LRGUK: variants seen among roughly 807,000 people sequenced by gnomAD.
The protein encoded by LRGUK is leucine rich repeats and guanylate kinase domain containing, also known as leucine-rich repeat and guanylate kinase domain-containing protein.
Under a neutral mutation model 76.0 loss-of-function variants are expected in LRGUK, and 65 were observed. That is an observed-to-expected ratio of 0.85 (90% CI 0.70 to 1.05). LRGUK has a LOEUF of 1.05. Among genes scored for constraint, LRGUK ranks in the 50% least tolerant of loss-of-function variants. The probability of loss-of-function intolerance (pLI) is 0.00; values close to 1 mark genes in which losing one functional copy is unlikely to be tolerated. For missense variants in LRGUK, 758 were observed against 732.8 expected, an observed-to-expected ratio of 1.03 and a Z score of -0.40; for synonymous variants, 268 against 265.6, an observed-to-expected ratio of 1.01 and a Z score of -0.09.
At chr7:134,237,200 G>T (rs1802039036) in intron 16 of LRGUK, among the ~76,000 whole-genome samples, 1 of 151,886 alleles carries the variant, frequency 6.6e-6, no homozygotes, top group African/African-American at 2.4e-5. Flanking sequence ...GACTACAGGT[G>T]CCTGCCACCA....
intron 16 of LRGUK, among the ~76,000 whole-genome samples, chr7:134,239,436 G>A (rs1178019179): frequency 4.6e-5 from 7 of 152,248 alleles, no homozygotes; most frequent in Non-Finnish European, 7.3e-5. Flanking sequence ...CCACACCCAT[G>A]CAGCCTCGCT....
intron 12 of LRGUK, among the ~76,000 whole-genome samples, chr7:134,195,697 A>G (rs374190569): frequency 2.0e-5 from 3 of 152,302 alleles, no homozygotes; most frequent in Admixed American, 6.5e-5. Flanking sequence ...AATAAACAAG[A>G]TAAAGTGTCT....
exon 5 of LRGUK, chr7:134,148,319 G>A (rs778807440): frequency 3.7e-5 from 58 of 1,549,444 alleles, no homozygotes; most frequent in Non-Finnish European, 4.8e-5. Context: ...AATTTTGGAT[G>A]GTATCCTTTG....
chr7:134,269,693 A>G, the LRGUK span, among the ~76,000 whole-genome samples: 1 of 152,160 alleles, frequency 6.6e-6, no homozygotes. Context: ...GGCTCTGGAT[A>G]TATTCCATCT....
At chr7:134,143,250 G>A (rs929641262) in intron 4 of LRGUK, 88 bp downstream of exon 4, 4 of 775,176 alleles carry the variant, frequency 5.2e-6, no homozygotes, top group African/African-American at 1.7e-5. Context: ...AGAGAATTCA[G>A]AGAGAATAAG....
At chr7:134,231,468 CTTCT>C (rs142549854) in intron 16 of LRGUK, among the ~76,000 whole-genome samples, 67 of 150,598 alleles carry the variant, frequency 4.4e-4, no homozygotes, top group African/African-American at 1.4e-3. Context: ...TTCTTCCTTC[CTTCT>C]TTGTTTCCTC....
chr7:134,235,790 G>C (rs571324005), intron 16 of LRGUK, among the ~76,000 whole-genome samples: 6 of 152,142 alleles, frequency 3.9e-5, no homozygotes, highest in Admixed American at 2.0e-4. Flanking sequence ...CAAGTCACAT[G>C]TCTTCTCTGA....
intron 7 of LRGUK, among the ~76,000 whole-genome samples, chr7:134,169,690 AG>A (rs1799165025): frequency 6.6e-6 from 1 of 152,152 alleles, no homozygotes; most frequent in South Asian, 2.1e-4. Context: ...TCTAGTTCCC[AG>A]GTAGGAAACA....
At chr7:134,237,424 AT>A (rs761606924) in intron 16 of LRGUK, among the ~76,000 whole-genome samples, 10 of 152,118 alleles carry the variant, frequency 6.6e-5, no homozygotes, top group Non-Finnish European at 1.0e-4. Context: ...TTAAATTATC[AT>A]TTATGGTCAT....
At chr7:134,205,866 T>C (rs1444794563) in intron 15 of LRGUK, among the ~76,000 whole-genome samples, 3 of 152,252 alleles carry the variant, frequency 2.0e-5, no homozygotes, top group African/African-American at 7.2e-5. Context: ...AGAAATCTTA[T>C]GACCAACAGC....
intron 16 of LRGUK, among the ~76,000 whole-genome samples, chr7:134,242,455 G>A (rs1802186209): frequency 6.6e-6 from 1 of 152,184 alleles, no homozygotes; most frequent in South Asian, 2.1e-4. Flanking sequence ...AAATCTAGAA[G>A]AAATGGATAA....
intron 16 of LRGUK, among the ~76,000 whole-genome samples, chr7:134,242,268 GT>G (rs555608500): frequency 2.3e-4 from 35 of 152,242 alleles, no homozygotes; most frequent in African/African-American, 8.2e-4. Flanking sequence ...CCAGGAGCTG[GT>G]TTTTTGAAAG....
chr7:134,244,486 A>G (rs1802243000), intron 16 of LRGUK, among the ~76,000 whole-genome samples: 1 of 152,212 alleles, frequency 6.6e-6, no homozygotes, highest in Non-Finnish European at 1.5e-5. Flanking sequence ...GAGAAATGCA[A>G]ATCAAAACCA....
chr7:134,263,617 TTC>T (rs1462932284), intron 19 of LRGUK, among the ~76,000 whole-genome samples: 2 of 148,772 alleles, frequency 1.3e-5, no homozygotes, highest in Non-Finnish European at 3.0e-5. Context: ...TGAATGTCAT[TTC>T]TTTCTTTTTT....
chr7:134,212,974 A>G (rs1246223537), downstream of LRGUK, among the ~76,000 whole-genome samples: 1 of 152,200 alleles, frequency 6.6e-6, no homozygotes, highest in African/African-American at 2.4e-5. Flanking sequence ...GGATACAAAC[A>G]TTGGATCAGG....
At position 134,218,267 on chromosome 7, in the gene LRGUK, G is replaced by A. The variant is rs1801489194; in HGVS notation, c.1844-3512G>A. Among the ~76,000 whole-genome samples the A allele has an allele frequency of 2.0e-5, 3 of 152,292 alleles. No individual in the cohort carries two copies. The South Asian group carries it at 6.2e-4, about 32-fold the overall frequency. ...CCCCATTTGAGTGGGGAAAAAATAAGTGATTCTGAAGTTGTCTGTGCATCT... is the reference window on the plus strand; with the variant it reads ...CCCCATTTGAGTGGGGAAAAAATAAATGATTCTGAAGTTGTCTGTGCATCT... On this transcript the variant is annotated intron_variant, in intron 15 of 19. Transcript: ENST00000285928.
At chr7:134,187,420 C>A (rs1192048641) in intron 11 of LRGUK, among the ~76,000 whole-genome samples, 1 of 152,096 alleles carries the variant, frequency 6.6e-6, no homozygotes, top group Non-Finnish European at 1.5e-5. Flanking sequence ...TTTTTCCTGG[C>A]ATTTTACTTC....
intron 15 of LRGUK, among the ~76,000 whole-genome samples, chr7:134,218,312 TTAAAGTCTGTTTC>T (rs1801490316): frequency 6.6e-6 from 1 of 152,200 alleles, no homozygotes; most frequent in South Asian, 2.1e-4. Flanking sequence ...TATTTAAAAA[TTAAAGTCTGTTTC>T]TAAGTCATCC....
At chr7:134,222,721 G>C (rs1198421569) in intron 16 of LRGUK, among the ~76,000 whole-genome samples, 1 of 151,966 alleles carries the variant, frequency 6.6e-6, no homozygotes, top group African/African-American at 2.4e-5. Context: ...CGATTCTCCT[G>C]CCTCAGCCTC....
Sources: allele counts gnomAD v4.1 joint callset (sites outside exome capture counted in the v4.1 genomes callset), GRCh38; gene constraint gnomAD v4.1.1; transcripts MANE v1.5; gene names NCBI Gene and HGNC (gene_info 2026-07-23, HGNC 2026-07-21).